The following EPHA6 variants were observed in gnomAD, a reference collection of about 807,000 sequenced individuals.
EPHA6 encodes EPH receptor A6, also known as ephrin type-A receptor 6.
Under a neutral mutation model 112.0 loss-of-function variants are expected in EPHA6, and 50 were observed. The observed-to-expected ratio is 0.45, with a 90% CI of 0.36 to 0.56. The LOEUF (loss-of-function observed/expected upper bound fraction) is 0.56. Ranked by LOEUF, EPHA6 falls within the 20% of genes least tolerant of loss-of-function variation. The pLI is 0.00. For missense variants in EPHA6, 1,280 were observed against 1,417.4 expected (o/e 0.90, Z 1.56); for synonymous variants, 529 against 490.7 (o/e 1.08, Z -1.03).
At chr3:96,840,750 TC>T (rs2034696503) in intron 1 of EPHA6, among the ~76,000 whole-genome samples, 1 of 151,886 alleles carries the variant, frequency 6.6e-6, no homozygotes, top group African/African-American at 2.4e-5. Flanking sequence ...GGGACAGAAA[TC>T]TGAATTTAGT....
At chr3:97,639,717 C>A (rs531389849) in intron 14 of EPHA6, among the ~76,000 whole-genome samples, 7 of 152,112 alleles carry the variant, frequency 4.6e-5, no homozygotes, top group Non-Finnish European at 1.0e-4. Context: ...TTTGTTACAT[C>A]AAATTTAACA....
chr3:96,961,751 T>TA (rs2041955723), intron 2 of EPHA6, among the ~76,000 whole-genome samples: 1 of 152,204 alleles, frequency 6.6e-6, no homozygotes, highest in East Asian at 1.9e-4. Context: ...GAGTCCTTGT[T>TA]ATCATTTGGC....
intron 5 of EPHA6, among the ~76,000 whole-genome samples, chr3:97,340,047 G>A (rs1487995935): frequency 1.3e-5 from 2 of 152,176 alleles, no homozygotes; most frequent in African/African-American, 4.8e-5. Context: ...ATTTTTTCCA[G>A]ATGAAATTTC....
chr3:97,014,361 C>A (rs1033698858), intron 3 of EPHA6, among the ~76,000 whole-genome samples: 1 of 151,136 alleles, frequency 6.6e-6, no homozygotes, highest in Non-Finnish European at 1.5e-5. Context: ...TCTCTCCCTC[C>A]CTCCCTTCCT....
chr3:97,181,153 T>G (rs2076977754), intron 3 of EPHA6, among the ~76,000 whole-genome samples: 1 of 152,108 alleles, frequency 6.6e-6, no homozygotes, highest in African/African-American at 2.4e-5. Context: ...CCTAACAAGA[T>G]AGCACTGAGT....
At position 97,299,183 on chromosome 3, in the gene EPHA6, A is replaced by ATGTGTGTG. The variant is rs34282025; in HGVS notation, c.1606+54918_1606+54925dup. Among the ~76,000 whole-genome samples the ATGTGTGTG allele has an allele frequency of 2.8e-3, 409 of 144,604 alleles. 2 individuals carry two copies. Among genetic ancestry groups the ATGTGTGTG allele is most frequent in the African/African-American group, 0.01 (400 of 39,942 alleles). The allele number at this position is 144,604 out of a possible 152,430, so 94.9% of individuals were successfully genotyped here. A position where few individuals can be genotyped will look rare whatever the true frequency, so the allele number is the denominator to read the frequency against. ...GGACGGTTTTGCACTGATGATCAGG[A>ATGTGTGTG]TGTGTGTGTGTGTGTGTGTGTGTGT... On this transcript the variant is annotated intron_variant, in intron 5 of 17. Transcript: ENST00000389672.
intron 14 of EPHA6, among the ~76,000 whole-genome samples, chr3:97,676,463 G>A (rs1375689724): frequency 6.6e-6 from 1 of 152,138 alleles, no homozygotes; most frequent in Non-Finnish European, 1.5e-5. Context: ...GGTTTAATTG[G>A]AATGGAAAAA....
intron 11 of EPHA6, among the ~76,000 whole-genome samples, chr3:97,555,735 G>A (rs909941565): frequency 6.6e-6 from 1 of 152,126 alleles, no homozygotes; most frequent in Non-Finnish European, 1.5e-5. Context: ...CTTTTGAGAA[G>A]TGTCTGTTCA....
chr3:96,999,906 T>C (rs150301027), intron 3 of EPHA6, among the ~76,000 whole-genome samples: 108 of 151,946 alleles, frequency 7.1e-4, no homozygotes, highest in African/African-American at 2.5e-3. Flanking sequence ...ATTTAATCAG[T>C]GTCCATATCT....
chr3:96,964,807 A>T (rs2042064054), intron 2 of EPHA6, among the ~76,000 whole-genome samples: 1 of 152,174 alleles, frequency 6.6e-6, no homozygotes, highest in African/African-American at 2.4e-5. Context: ...GTATATGCAT[A>T]CTCAAGTGCT....
intron 1 of EPHA6, among the ~76,000 whole-genome samples, chr3:96,830,682 A>G (rs1046273375): frequency 7.9e-5 from 12 of 152,072 alleles, no homozygotes; most frequent in Non-Finnish European, 1.5e-4. Context: ...TTAAGTCTTG[A>G]AAATATGTAA....
Position 97,723,449 on chromosome 3 carries a change from A to G in EPHA6, c.2934+3039A>G, listed in dbSNP as rs146005347. Reference sequence around the variant, plus strand: ...TTTGTCTATTAAACCTCATTTGGCCACAGAGGCTCTATCTGGAACCTGGAG... The same window carrying G: ...TTTGTCTATTAAACCTCATTTGGCCGCAGAGGCTCTATCTGGAACCTGGAG... On this transcript the variant is annotated intron_variant, in intron 15 of 17. Coordinates refer to ENST00000389672, the MANE Select transcript of EPHA6 (RefSeq NM_001080448.3). 4.8e-3 allele frequency among the ~76,000 whole-genome samples: 726 copies of G among 152,306 alleles called. 1 individual carries two copies. Among genetic ancestry groups the G allele is most frequent in the African/African-American group, 0.016 (680 of 41,568 alleles).
At chr3:97,411,462 C>G (rs2087712506) in intron 6 of EPHA6, among the ~76,000 whole-genome samples, 1 of 152,014 alleles carries the variant, frequency 6.6e-6, no homozygotes, top group Non-Finnish European at 1.5e-5. Flanking sequence ...AAAGTGTCTC[C>G]TGTTTTATAA....
chr3:97,278,404 A>C (rs1028552665), intron 5 of EPHA6, among the ~76,000 whole-genome samples: 1 of 152,192 alleles, frequency 6.6e-6, no homozygotes, highest in Non-Finnish European at 1.5e-5. Context: ...TTTTGCATAA[A>C]GGTTTCTTAA....
chr3:97,414,815 C>T (rs1471925662), intron 6 of EPHA6, among the ~76,000 whole-genome samples: 1 of 151,992 alleles, frequency 6.6e-6, no homozygotes, highest in African/African-American at 2.4e-5. Flanking sequence ...CAATTGTAAA[C>T]CACCAAATGT....
At chr3:96,988,475 C>T (rs1343604317) in intron 3 of EPHA6, among the ~76,000 whole-genome samples, 2 of 152,040 alleles carry the variant, frequency 1.3e-5, no homozygotes, top group African/African-American at 2.4e-5. Flanking sequence ...CACATTTTTA[C>T]AGTTTATAGA....
intron 2 of EPHA6, among the ~76,000 whole-genome samples, chr3:96,947,694 A>T (rs549264040): frequency 8.5e-5 from 13 of 152,310 alleles, no homozygotes; most frequent in Admixed American, 5.9e-4. Flanking sequence ...CTTACAAGGG[A>T]TGTGAAGGAG....
chr3:97,003,379 A>T (rs2043745186), intron 3 of EPHA6, among the ~76,000 whole-genome samples: 1 of 152,232 alleles, frequency 6.6e-6, no homozygotes, highest in Admixed American at 6.5e-5. Flanking sequence ...AAGTGCTGGG[A>T]TTATAGGCCA....
chr3:97,015,618 G>A (rs2044237957), intron 3 of EPHA6, among the ~76,000 whole-genome samples: 1 of 152,126 alleles, frequency 6.6e-6, no homozygotes, highest in Non-Finnish European at 1.5e-5. Flanking sequence ...TTTGGGAAAG[G>A]CTCTGAGTTC....
Sources: allele counts gnomAD v4.1 joint callset (sites outside exome capture counted in the v4.1 genomes callset), GRCh38; gene constraint gnomAD v4.1.1; transcripts MANE v1.5; gene names NCBI Gene and HGNC (gene_info 2026-07-23, HGNC 2026-07-21).